The following LRRTM4 variants were observed in gnomAD, a reference collection of about 807,000 sequenced individuals.
LRRTM4 encodes leucine rich repeat transmembrane neuronal 4.
Under a neutral mutation model 47.6 loss-of-function variants are expected in LRRTM4, and 25 were observed. The observed-to-expected ratio is 0.53, with a 90% CI of 0.38 to 0.73. The LOEUF is 0.73. Ranked by LOEUF, LRRTM4 falls within the 30% of genes least tolerant of loss-of-function variation. LRRTM4 has a pLI of 0.00. For synonymous variants in LRRTM4, 311 were observed against 269.5 expected (o/e 1.15, Z -1.51); for missense variants, 638 against 713.4 (o/e 0.89, Z 1.20).
intron 3 of LRRTM4, among the ~76,000 whole-genome samples, chr2:76,983,447 G>A (rs137984571): frequency 0.017 from 2,559 of 152,042 alleles, 62 homozygotes; most frequent in East Asian, 0.082. Context: ...AGTCTCAGGA[G>A]ATTTGATGGT....
chr2:76,846,627 A>G (rs1373941917), intron 3 of LRRTM4, among the ~76,000 whole-genome samples: 1 of 152,144 alleles, frequency 6.6e-6, no homozygotes, highest in African/African-American at 2.4e-5. Flanking sequence ...TCAAAAATAT[A>G]TATGGATAGT....
intron 3 of LRRTM4, among the ~76,000 whole-genome samples, chr2:77,251,234 G>A (rs1482152520): frequency 1.6e-5 from 1 of 64,352 alleles, no homozygotes; most frequent in Admixed American, 1.7e-4. Flanking sequence ...TATACATATA[G>A]GTGTGTGTGT....
rs566871512 is a variant in LRRTM4, at chr2:76,874,744, T to C, written c.1552-125828A>G. 4.6e-5 allele frequency among the ~76,000 whole-genome samples: 7 copies of C among 152,046 alleles called. No individual in the cohort carries two copies. In the South Asian group the frequency reaches 8.3e-4, roughly 18 times the overall value. On this transcript the variant is annotated intron_variant, in intron 3 of 3. Coordinates refer to ENST00000409884, the MANE Select transcript of LRRTM4 (RefSeq NM_001134745.3). The stretch of plus-strand genomic sequence containing the variant: ...CTTCTTCAGAATAAATTCCTAGAAA[T>C]AGAATAGCTTTCAGGCTCTTGATAC...
intron 3 of LRRTM4, among the ~76,000 whole-genome samples, chr2:76,873,544 T>C (rs1672699253): frequency 9.3e-6 from 1 of 107,028 alleles, no homozygotes; most frequent in Admixed American, 1.1e-4. Flanking sequence ...ACAACATAGT[T>C]GTAAAATCAA....
chr2:76,840,433 G>A (rs974577230), intron 3 of LRRTM4, among the ~76,000 whole-genome samples: 2 of 152,174 alleles, frequency 1.3e-5, no homozygotes, highest in Non-Finnish European at 2.9e-5. Flanking sequence ...CCCAACAGGT[G>A]TTTAAGTATC....
chr2:76,924,193 C>G (rs761487374), intron 3 of LRRTM4, among the ~76,000 whole-genome samples: 11 of 151,994 alleles, frequency 7.2e-5, no homozygotes, highest in Non-Finnish European at 1.3e-4. Context: ...ATTCACTTAT[C>G]CTAAACACCT....
chr2:77,269,902 A>C (rs1462169787), intron 3 of LRRTM4, among the ~76,000 whole-genome samples: 1 of 152,204 alleles, frequency 6.6e-6, no homozygotes, highest in East Asian at 1.9e-4. Context: ...GGTTCCTCAC[A>C]TTCTGAATTA....
At chr2:77,113,428 G>C (rs1050844383) in intron 3 of LRRTM4, among the ~76,000 whole-genome samples, 1 of 152,176 alleles carries the variant, frequency 6.6e-6, no homozygotes, top group East Asian at 1.9e-4. Context: ...CGACGCATTT[G>C]TACACCTTGA....
intron 3 of LRRTM4, among the ~76,000 whole-genome samples, chr2:77,191,339 T>C (rs1408027843): frequency 1.3e-5 from 2 of 152,026 alleles, no homozygotes; most frequent in African/African-American, 4.8e-5. Context: ...GAACACAGTA[T>C]ATGGAAATTT....
intron 3 of LRRTM4, among the ~76,000 whole-genome samples, chr2:77,366,463 C>T (rs1184854559): frequency 6.6e-6 from 1 of 151,802 alleles, no homozygotes; most frequent in Non-Finnish European, 1.5e-5. Flanking sequence ...CCTGGGTATT[C>T]TTGTTTCTAC....
chr2:76,942,757 A>T (rs10170002), intron 3 of LRRTM4, among the ~76,000 whole-genome samples: 43,745 of 151,208 alleles, frequency 0.29, 8,212 homozygotes, highest in African/African-American at 0.54. Context: ...TGCATGATAT[A>T]ATTTACTTAA....
chr2:77,343,496 T>C (rs73941223), intron 3 of LRRTM4, among the ~76,000 whole-genome samples: 1,686 of 152,060 alleles, frequency 0.011, 33 homozygotes, highest in African/African-American at 0.039. Flanking sequence ...CATTGTACTT[T>C]TAAAATTTGG....
chr2:77,094,748 G>T (rs1670761073), intron 3 of LRRTM4, among the ~76,000 whole-genome samples: 2 of 152,066 alleles, frequency 1.3e-5, no homozygotes, highest in Non-Finnish European at 2.9e-5. Flanking sequence ...AATGAAATTG[G>T]ATACTTCGGT....
At chr2:76,800,412 G>A (rs1309937449) in intron 3 of LRRTM4, among the ~76,000 whole-genome samples, 1 of 130,842 alleles carries the variant, frequency 7.6e-6, no homozygotes, top group African/African-American at 3.1e-5. Context: ...GTAGAAAGCT[G>A]AAACTGGATC....
chr2:76,858,454 G>A (rs1258288179), intron 3 of LRRTM4, among the ~76,000 whole-genome samples: 1 of 152,156 alleles, frequency 6.6e-6, no homozygotes, highest in Non-Finnish European at 1.5e-5. Flanking sequence ...TTGGGCTTTT[G>A]GATTCAGATT....
chr2:77,018,012 C>T (rs2104091854), intron 3 of LRRTM4, among the ~76,000 whole-genome samples: 1 of 151,642 alleles, frequency 6.6e-6, no homozygotes, highest in East Asian at 1.9e-4. Context: ...ATTTCTTATC[C>T]ATCTATGCGC....
intron 3 of LRRTM4, among the ~76,000 whole-genome samples, chr2:77,235,507 C>A (rs1218384688): frequency 1.3e-5 from 2 of 152,130 alleles, no homozygotes; most frequent in South Asian, 4.2e-4. Context: ...CTGTACAAAA[C>A]CTCTTTAGTT....
intron 3 of LRRTM4, among the ~76,000 whole-genome samples, chr2:77,255,954 C>A (rs950259968): frequency 6.6e-6 from 1 of 151,796 alleles, no homozygotes; most frequent in African/African-American, 2.4e-5. Flanking sequence ...AAACAATAAA[C>A]AACAGAGAAA....
intron 3 of LRRTM4, among the ~76,000 whole-genome samples, chr2:77,382,301 A>T (rs1673084598): frequency 6.6e-6 from 1 of 152,128 alleles, no homozygotes; most frequent in Admixed American, 6.6e-5. Flanking sequence ...TAACCTAAAG[A>T]AAGAAAATGT....
Sources: gnomAD v4.1 joint callset for allele counts (sites outside exome capture counted in the v4.1 genomes callset) on GRCh38, gnomAD v4.1.1 for gene constraint, MANE v1.5 for transcripts, NCBI Gene and HGNC (gene_info 2026-07-23, HGNC 2026-07-21) for gene names.